GRIK4: variants seen among roughly 807,000 people sequenced by gnomAD.
GRIK4 encodes the protein glutamate receptor ionotropic, kainate 4.
A neutral mutation model predicts 104.9 loss-of-function variants in GRIK4; 40 were observed. That is an observed-to-expected ratio of 0.38 (90% CI 0.30 to 0.50). The LOEUF is 0.50. Among genes scored for constraint, GRIK4 ranks in the 20% least tolerant of loss-of-function variants. The probability of loss-of-function intolerance (pLI) is 0.93; values close to 1 mark genes in which losing one functional copy is unlikely to be tolerated. For synonymous variants in GRIK4, 485 were observed against 524.9 expected (o/e 0.92, Z 1.04); for missense variants, 1,047 against 1,308.1 (o/e 0.80, Z 3.08).
At chr11:120,874,593 A>G (rs982746116) in intron 10 of GRIK4, among the ~76,000 whole-genome samples, 3 of 152,230 alleles carry the variant, frequency 2.0e-5, no homozygotes, top group Non-Finnish European at 4.4e-5. Flanking sequence ...TGGGAGTTGC[A>G]GGCTCAAGAC....
intron 13 of GRIK4, among the ~76,000 whole-genome samples, chr11:120,938,121 G>A (rs1943637680): frequency 6.6e-6 from 1 of 152,186 alleles, no homozygotes; most frequent in Non-Finnish European, 1.5e-5. Context: ...TCAGGTAGGG[G>A]TTGGCTACCA....
At chr11:120,700,804 C>A (rs1950540528) in intron 3 of GRIK4, among the ~76,000 whole-genome samples, 1 of 152,142 alleles carries the variant, frequency 6.6e-6, no homozygotes, top group Non-Finnish European at 1.5e-5. Context: ...GTTGGCCAGG[C>A]TGGTGTCGAA....
chr11:120,836,164 A>G (rs953989355), intron 7 of GRIK4, among the ~76,000 whole-genome samples: 1 of 152,238 alleles, frequency 6.6e-6, no homozygotes, highest in Admixed American at 6.5e-5. Flanking sequence ...TCAGTGTGAC[A>G]GTCCTGAAGG....
At chr11:120,596,096 T>C (rs1948798580) in intron 1 of GRIK4, among the ~76,000 whole-genome samples, 1 of 152,256 alleles carries the variant, frequency 6.6e-6, no homozygotes, top group Non-Finnish European at 1.5e-5. Context: ...TCCGCCCGTC[T>C]CGGCCTCCCA....
intron 4 of GRIK4, among the ~76,000 whole-genome samples, chr11:120,808,307 C>T (rs1412513912): frequency 6.6e-6 from 1 of 152,198 alleles, no homozygotes; most frequent in Non-Finnish European, 1.5e-5. Flanking sequence ...AGAGTTCTCA[C>T]TTCATGAGGT....
At chr11:120,676,840 T>C (rs981408122) in intron 3 of GRIK4, among the ~76,000 whole-genome samples, 1 of 152,088 alleles carries the variant, frequency 6.6e-6, no homozygotes, top group African/African-American at 2.4e-5. Flanking sequence ...AGGGACTGGG[T>C]TTTAGGATGT....
intron 3 of GRIK4, among the ~76,000 whole-genome samples, chr11:120,740,087 T>C (rs1487810255): frequency 6.6e-6 from 1 of 152,194 alleles, no homozygotes; most frequent in African/African-American, 2.4e-5. Flanking sequence ...ACATGGACAA[T>C]TGGCTGAACT....
intron 3 of GRIK4, among the ~76,000 whole-genome samples, chr11:120,677,711 T>G (rs934583278): frequency 5.3e-5 from 8 of 152,230 alleles, no homozygotes; most frequent in Admixed American, 5.2e-4. Context: ...GTGACTGTGG[T>G]GGTCCAGGGA....
chr11:120,886,779 G>A (rs1955130611), intron 11 of GRIK4, among the ~76,000 whole-genome samples: 1 of 152,208 alleles, frequency 6.6e-6, no homozygotes, highest in Non-Finnish European at 1.5e-5. Context: ...TGCGTTCACT[G>A]CCCCGTACTC....
At chr11:120,722,166 G>A (rs1386951519) in intron 3 of GRIK4, among the ~76,000 whole-genome samples, 1 of 152,076 alleles carries the variant, frequency 6.6e-6, no homozygotes, top group Non-Finnish European at 1.5e-5. Context: ...GCACACAAAG[G>A]GTGTGGATCC....
intron 1 of GRIK4, among the ~76,000 whole-genome samples, chr11:120,644,011 CTGTGTGTGTGTGTGTG>C (rs369374873): frequency 3.3e-5 from 4 of 122,928 alleles, no homozygotes; most frequent in African/African-American, 1.1e-4. Flanking sequence ...GGGAGAGGGT[CTGTGTGTGTGTGTGTG>C]TGTGTGTGTG....
intron 6 of GRIK4, among the ~76,000 whole-genome samples, chr11:120,821,207 G>A (rs1345277930): frequency 1.3e-5 from 2 of 152,234 alleles, no homozygotes; most frequent in African/African-American, 4.8e-5. Context: ...TTTATGCTAA[G>A]TGTCAAATGT....
intron 3 of GRIK4, among the ~76,000 whole-genome samples, chr11:120,704,623 C>T (rs1950600835): frequency 6.6e-6 from 1 of 152,114 alleles, no homozygotes. Flanking sequence ...TTTTTGCTTG[C>T]TGTTGTGTCT....
intron 9 of GRIK4, among the ~76,000 whole-genome samples, chr11:120,865,937 C>A (rs527524729): frequency 2.0e-5 from 3 of 151,692 alleles, no homozygotes; most frequent in African/African-American, 7.3e-5. Context: ...GGGGAGGGGG[C>A]GTATGCAGCT....
chr11:120,746,485 C>A (rs1227078419), intron 3 of GRIK4, among the ~76,000 whole-genome samples: 1 of 152,096 alleles, frequency 6.6e-6, no homozygotes, highest in Non-Finnish European at 1.5e-5. Context: ...CAAACTGCTC[C>A]TTCCTCCAGC....
intron 11 of GRIK4, among the ~76,000 whole-genome samples, chr11:120,895,199 G>A (rs77191464): frequency 0.044 from 6,763 of 152,158 alleles, 513 homozygotes; most frequent in African/African-American, 0.15. Context: ...GCAAGTGATT[G>A]GTGAGGATTA....
intron 1 of GRIK4, among the ~76,000 whole-genome samples, chr11:120,515,376 C>T (rs1489829017): frequency 6.6e-6 from 1 of 152,234 alleles, no homozygotes; most frequent in Non-Finnish European, 1.5e-5. Context: ...CTGAGCCTCA[C>T]TGGCCTCACC....
intron 3 of GRIK4, among the ~76,000 whole-genome samples, chr11:120,727,573 C>T (rs921926689): frequency 6.6e-6 from 1 of 151,964 alleles, no homozygotes; most frequent in Non-Finnish European, 1.5e-5. Flanking sequence ...GAGTAACATC[C>T]TGCTGAGCAT....
chr11:120,875,159 C>T lies in GRIK4; in HGVS notation c.1080C>T (p.Thr360=), dbSNP rs552610368. 1.1e-4 allele frequency: 170 copies of T among 1,609,810 alleles called. 1 individual carries two copies. The South Asian group carries it at 1.7e-3, about 17-fold the overall frequency. The change falls in exon 11 of 21, where the codon ACC becomes ACT. Residue 360 remains threonine, a synonymous_variant. Transcript: ENST00000527524. ...GACAGGTAGAATTGGAAGGTCTTAC[C>T]GGCCACATTGAATTCAACAGCAAAG... The part of the protein sequence containing the change: ...YLRMVELEGL[T]GHIEFNSKGQ...
Sources: gnomAD v4.1 joint callset for allele counts (sites outside exome capture counted in the v4.1 genomes callset) on GRCh38, gnomAD v4.1.1 for gene constraint, MANE v1.5 for transcripts, NCBI Gene and HGNC (gene_info 2026-07-23, HGNC 2026-07-21) for gene names.